Variants in SPATA16 observed in about 807,000 individuals in gnomAD.
SPATA16 encodes spermatogenesis-associated protein 16.
In SPATA16, 36 loss-of-function variants were observed where a neutral mutation model predicts 63.3. The observed-to-expected ratio is 0.57, with a 90% CI of 0.44 to 0.75. The LOEUF is 0.75. Among genes scored for constraint, SPATA16 ranks in the 30% least tolerant of loss-of-function variants. SPATA16 has a pLI of 0.00. For missense variants in SPATA16, 646 were observed against 679.3 expected (o/e 0.95, Z 0.54); for synonymous variants, 203 against 216.7 (o/e 0.94, Z 0.56).
chr3:172,949,352 C>T (rs1364202539), intron 6 of SPATA16, among the ~76,000 whole-genome samples: 1 of 151,870 alleles, frequency 6.6e-6, no homozygotes, highest in Non-Finnish European at 1.5e-5. Flanking sequence ...AGGTTAATTG[C>T]GAGCCAAGTA....
chr3:172,972,386 A>C (rs1734065743), intron 5 of SPATA16, among the ~76,000 whole-genome samples: 1 of 152,186 alleles, frequency 6.6e-6, no homozygotes, highest in African/African-American at 2.4e-5. Context: ...CAAGAGCTTG[A>C]ATTAGTGCCT....
At chr3:172,971,622 C>G (rs1018121045) in intron 5 of SPATA16, among the ~76,000 whole-genome samples, 1 of 152,062 alleles carries the variant, frequency 6.6e-6, no homozygotes, top group East Asian at 1.9e-4. Context: ...TAGCACAGTG[C>G]CTTACATACA....
chr3:172,944,656 C>T (rs185764904), intron 6 of SPATA16, among the ~76,000 whole-genome samples: 1 of 152,182 alleles, frequency 6.6e-6, no homozygotes, highest in African/African-American at 2.4e-5. Flanking sequence ...ATTATTTAAC[C>T]TTAGAAAGGA....
chr3:173,101,642 C>A (rs1474988354), intron 2 of SPATA16, among the ~76,000 whole-genome samples: 1 of 152,184 alleles, frequency 6.6e-6, no homozygotes, highest in East Asian at 1.9e-4. Context: ...GTTCAGATAT[C>A]TGGCTGTGAA....
intron 1 of SPATA16, among the ~76,000 whole-genome samples, chr3:173,133,990 T>TG (rs988740606): frequency 1.5e-5 from 2 of 133,496 alleles, no homozygotes; most frequent in South Asian, 2.4e-4. Context: ...ACATTTTATA[T>TG]GGAAAAAAAA....
chr3:172,956,953 G>T, intron 5 of SPATA16, 129 bp from the exon 6 acceptor site: 1 of 1,157,150 alleles, frequency 8.6e-7, no homozygotes, highest in Non-Finnish European at 1.2e-6. Context: ...AACATATTTT[G>T]GTCTTGAATA....
intron 10 of SPATA16, among the ~76,000 whole-genome samples, chr3:172,911,287 G>A (rs1732367487): frequency 6.6e-6 from 1 of 152,144 alleles, no homozygotes; most frequent in Non-Finnish European, 1.5e-5. Context: ...CTTCTTGGAG[G>A]TTTGGGTCCC....
intron 2 of SPATA16, among the ~76,000 whole-genome samples, chr3:173,108,152 T>C (rs970747944): frequency 6.6e-6 from 1 of 152,158 alleles, no homozygotes; most frequent in Non-Finnish European, 1.5e-5. Flanking sequence ...GTTCATTTTT[T>C]TCGGTGAAGT....
chr3:172,942,088 C>G (rs1262094056), intron 6 of SPATA16, among the ~76,000 whole-genome samples: 1 of 152,100 alleles, frequency 6.6e-6, no homozygotes, highest in South Asian at 2.1e-4. Flanking sequence ...GCAGAAATAA[C>G]CAAACATAAC....
chr3:173,103,591 T>C (rs1737545859), intron 2 of SPATA16, among the ~76,000 whole-genome samples: 1 of 152,210 alleles, frequency 6.6e-6, no homozygotes, highest in Non-Finnish European at 1.5e-5. Flanking sequence ...TGGAATGGCC[T>C]GGATGCAGGG....
chr3:172,937,398 T>C (rs1317167677), intron 6 of SPATA16, among the ~76,000 whole-genome samples: 2 of 152,166 alleles, frequency 1.3e-5, no homozygotes, highest in Non-Finnish European at 2.9e-5. Flanking sequence ...GCTGAATACA[T>C]AGGGTAATAC....
chr3:173,068,886 G>T (rs769977159), intron 2 of SPATA16, among the ~76,000 whole-genome samples: 1 of 150,962 alleles, frequency 6.6e-6, no homozygotes, highest in Non-Finnish European at 1.5e-5. Context: ...CGAGGCGGGC[G>T]GATCACGAGG....
chr3:172,926,604 A>G (rs1732743690), intron 6 of SPATA16, among the ~76,000 whole-genome samples: 1 of 152,240 alleles, frequency 6.6e-6, no homozygotes, highest in African/African-American at 2.4e-5. Flanking sequence ...AGGCACAGCC[A>G]CTGCACCCTT....
At chr3:172,931,887 A>G (rs566778967) in intron 6 of SPATA16, among the ~76,000 whole-genome samples, 1 of 152,302 alleles carries the variant, frequency 6.6e-6, no homozygotes, top group Non-Finnish European at 1.5e-5. Context: ...CTTTGCCTGG[A>G]TGGAAAAATT....
intron 2 of SPATA16, among the ~76,000 whole-genome samples, chr3:173,086,829 T>A (rs562813873): frequency 1.3e-5 from 2 of 152,286 alleles, no homozygotes; most frequent in Admixed American, 6.5e-5. Context: ...TCAATTTCCA[T>A]GTAGTTGCAT....
At chr3:172,965,034 T>C (rs1733882255) in intron 5 of SPATA16, among the ~76,000 whole-genome samples, 1 of 152,228 alleles carries the variant, frequency 6.6e-6, no homozygotes, top group African/African-American at 2.4e-5. Flanking sequence ...GGCTTACTGA[T>C]AAACCTGAAA....
At chr3:173,005,242 T>C (rs1734914725) in intron 4 of SPATA16, among the ~76,000 whole-genome samples, 1 of 150,142 alleles carries the variant, frequency 6.7e-6, no homozygotes, top group Admixed American at 6.7e-5. Flanking sequence ...GGGAATTGCT[T>C]GAACCTGGGA....
intron 3 of SPATA16, among the ~76,000 whole-genome samples, chr3:173,027,230 G>A (rs1735472346): frequency 6.6e-6 from 1 of 151,794 alleles, no homozygotes; most frequent in Non-Finnish European, 1.5e-5. Context: ...CTAATTTATA[G>A]AAACATAATT....
intron 10 of SPATA16, among the ~76,000 whole-genome samples, chr3:172,893,667 C>G (rs1452224465): frequency 6.6e-6 from 1 of 152,240 alleles, no homozygotes; most frequent in African/African-American, 2.4e-5. Flanking sequence ...CCAAAATTAT[C>G]ATTTCCCACT....
Sources: allele counts gnomAD v4.1 joint callset (sites outside exome capture counted in the v4.1 genomes callset), GRCh38; gene constraint gnomAD v4.1.1; transcripts MANE v1.5; gene names NCBI Gene and HGNC (gene_info 2026-07-23, HGNC 2026-07-21).